CDH18: variants seen among roughly 807,000 people sequenced by gnomAD.
CDH18 encodes the protein cadherin-18.
In CDH18, 31 loss-of-function variants were observed where a neutral mutation model predicts 67.9. The observed-to-expected ratio is 0.46, with a 90% CI of 0.34 to 0.62. The LOEUF (loss-of-function observed/expected upper bound fraction) is 0.62, where lower values mean the gene tolerates loss of function less well. CDH18 is among the 20% of genes least tolerant of loss of function. The probability of loss-of-function intolerance (pLI) is 0.01; values close to 1 mark genes in which losing one functional copy is unlikely to be tolerated. For synonymous variants in CDH18, 362 were observed against 347.2 expected (o/e 1.04, Z -0.48); for missense variants, 890 against 975.5 (o/e 0.91, Z 1.17).
At chr5:20,006,024 C>G (rs529309284) in intron 2 of CDH18, among the ~76,000 whole-genome samples, 82 of 151,968 alleles carry the variant, frequency 5.4e-4, no homozygotes, top group Admixed American at 9.2e-4. Context: ...AATAAGAGAA[C>G]AACTAGGTGT....
At chr5:20,354,677 G>T (rs1390237612) in intron 1 of CDH18, among the ~76,000 whole-genome samples, 1 of 152,112 alleles carries the variant, frequency 6.6e-6, no homozygotes, top group Non-Finnish European at 1.5e-5. Flanking sequence ...GTCCCAAAGT[G>T]CTGGGATTAC....
At chr5:20,053,669 A>G (rs1234006753) in intron 2 of CDH18, among the ~76,000 whole-genome samples, 1 of 152,098 alleles carries the variant, frequency 6.6e-6, no homozygotes, top group East Asian at 1.9e-4. Context: ...ATGTAGTTGA[A>G]ATCACCACCA....
chr5:19,788,030 G>C (rs1775994959), intron 3 of CDH18, among the ~76,000 whole-genome samples: 2 of 151,616 alleles, frequency 1.3e-5, no homozygotes, highest in Admixed American at 1.3e-4. Flanking sequence ...TTACTTTGTT[G>C]GATCTATAAA....
rs1746916533 is a variant in CDH18 at position 20,106,105 on chromosome 5, C to T, written c.-517-114091G>A. 2.6e-5 allele frequency among the ~76,000 whole-genome samples: 4 copies of T among 152,186 alleles called. No homozygotes were observed. In the South Asian group the frequency reaches 8.3e-4, roughly 32 times the overall value. ...TTGGCGATGGTAATTAATTCCCTGGCAGAAGATCATAAAGCAGGAGGAGAG... is the reference window on the plus strand; with the variant it reads ...TTGGCGATGGTAATTAATTCCCTGGTAGAAGATCATAAAGCAGGAGGAGAG... On this transcript the variant is annotated intron_variant, in intron 2 of 14. Transcript: ENST00000507958.
At chr5:20,176,151 G>A (rs886893390) in intron 2 of CDH18, among the ~76,000 whole-genome samples, 3 of 152,062 alleles carry the variant, frequency 2.0e-5, no homozygotes, top group Non-Finnish European at 4.4e-5. Context: ...ACTGCAAGAC[G>A]CAGTTTTACA....
At chr5:20,197,549 C>T (rs368329762) in intron 2 of CDH18, among the ~76,000 whole-genome samples, 1 of 152,220 alleles carries the variant, frequency 6.6e-6, no homozygotes, top group East Asian at 1.9e-4. Flanking sequence ...CTGGAAGAAA[C>T]AGAAAGTTTC....
intron 2 of CDH18, among the ~76,000 whole-genome samples, chr5:19,936,701 T>G (rs1794309508): frequency 6.6e-6 from 1 of 151,146 alleles, no homozygotes; most frequent in Non-Finnish European, 1.5e-5. Flanking sequence ...AGATTCTGAA[T>G]ATATTTCTTG....
intron 1 of CDH18, among the ~76,000 whole-genome samples, chr5:20,507,243 CTTTG>C (rs780847882): frequency 6.6e-6 from 1 of 152,170 alleles, no homozygotes. Flanking sequence ...GAATAAGTTA[CTTTG>C]TTTGTTTCAA....
intron 7 of CDH18, among the ~76,000 whole-genome samples, chr5:19,577,496 T>C (rs1404729919): frequency 5.3e-5 from 8 of 152,114 alleles, no homozygotes; most frequent in African/African-American, 1.7e-4. Context: ...TCTCCTACCA[T>C]TGTATTTTAG....
At chr5:20,397,683 T>C (rs559396777) in intron 1 of CDH18, among the ~76,000 whole-genome samples, 3 of 152,254 alleles carry the variant, frequency 2.0e-5, no homozygotes, top group African/African-American at 7.2e-5. Context: ...CTAGTAAGCA[T>C]GCTGTGAGAG....
intron 3 of CDH18, among the ~76,000 whole-genome samples, chr5:19,764,378 C>A (rs1227960973): frequency 2.6e-5 from 4 of 151,782 alleles, no homozygotes; most frequent in Admixed American, 2.0e-4. Flanking sequence ...TTGAGAAAAT[C>A]ACATTGTGTC....
intron 2 of CDH18, among the ~76,000 whole-genome samples, chr5:19,999,657 C>G (rs1182249782): frequency 6.6e-6 from 1 of 151,958 alleles, no homozygotes; most frequent in African/African-American, 2.4e-5. Flanking sequence ...TGGACACTAG[C>G]CTCAATGTTT....
chr5:19,867,532 G>C (rs1785694054), intron 2 of CDH18, among the ~76,000 whole-genome samples: 1 of 152,008 alleles, frequency 6.6e-6, no homozygotes, highest in South Asian at 2.1e-4. Flanking sequence ...GCAAAAACTT[G>C]GAATATAGGC....
intron 2 of CDH18, among the ~76,000 whole-genome samples, chr5:20,154,563 T>C (rs1327603749): frequency 6.6e-6 from 1 of 152,252 alleles, no homozygotes; most frequent in Non-Finnish European, 1.5e-5. Context: ...GTTGGCTGTA[T>C]CTGGAAAAAT....
At position 19,473,246 on chromosome 5, in the gene CDH18, C is replaced by G. The variant is rs149640304; in HGVS notation, c.2353G>C (p.Glu785Gln). ...ACCCCCTAAGTTGTTCTTTCAGATTCTATTTCTCCATAGAGTTCAGCTAAC... is the reference window on the plus strand; with the variant it reads ...ACCCCCTAAGTTGTTCTTTCAGATTGTATTTCTCCATAGAGTTCAGCTAAC... Reference protein sequence around the residue: ...KKLAELYGEIESERTT With the variant: ...KKLAELYGEIQSERTT The change falls in exon 13 of 13, where the codon GAA (glutamate) becomes CAA (glutamine). Residue 785 changes from glutamate to glutamine, a missense_variant. Glu to Gln is a conservative substitution (Grantham distance 29). Transcript: ENST00000382275. The G allele has an allele frequency of 5.1e-5, 82 of 1,613,296 alleles. No homozygotes were observed. Among genetic ancestry groups the G allele is most frequent in the Non-Finnish European group, 6.6e-5 (78 of 1,179,614 alleles).
chr5:20,565,559 A>G (rs565300431), intron 1 of CDH18, among the ~76,000 whole-genome samples: 14 of 152,194 alleles, frequency 9.2e-5, no homozygotes, highest in African/African-American at 3.1e-4. Flanking sequence ...AGGGCACTAC[A>G]AAATGTTTAA....
intron 1 of CDH18, among the ~76,000 whole-genome samples, chr5:20,340,875 A>C (rs536918903): frequency 6.6e-6 from 1 of 152,228 alleles, no homozygotes; most frequent in Admixed American, 6.5e-5. Context: ...ACTCTTGTTT[A>C]CTCAGGCCTT....
At chr5:19,646,916 A>G (rs574161123) in intron 5 of CDH18, among the ~76,000 whole-genome samples, 1 of 152,320 alleles carries the variant, frequency 6.6e-6, no homozygotes. Context: ...GGAGAAGGAA[A>G]CTTTCTCACT....
At chr5:20,402,278 A>G (rs1459182019) in intron 1 of CDH18, among the ~76,000 whole-genome samples, 2 of 152,166 alleles carry the variant, frequency 1.3e-5, no homozygotes, top group Non-Finnish European at 2.9e-5. Context: ...AACTCTGTGT[A>G]TTTGGTCATT....
Sources: gnomAD v4.1 joint callset for allele counts (sites outside exome capture counted in the v4.1 genomes callset) on GRCh38, gnomAD v4.1.1 for gene constraint, MANE v1.5 for transcripts, NCBI Gene and HGNC (gene_info 2026-07-23, HGNC 2026-07-21) for gene names.